Variants in ZC3H13 observed in about 807,000 individuals in gnomAD.
ZC3H13 encodes the protein zinc finger CCCH domain-containing protein 13.
In ZC3H13, 64 loss-of-function variants were observed where a neutral mutation model predicts 204.1. The observed-to-expected ratio is 0.31, with a 90% confidence interval of 0.26 to 0.39. The LOEUF (loss-of-function observed/expected upper bound fraction) is 0.39. ZC3H13 is among the 10% of genes least tolerant of loss of function. The pLI is 1.00. For missense variants in ZC3H13, 1,833 were observed against 2,082.7 expected, an observed-to-expected ratio of 0.88 and a Z score of 2.33; for synonymous variants, 667 against 693.7, an observed-to-expected ratio of 0.96 and a Z score of 0.60.
At position 45,968,039 on chromosome 13, in the gene ZC3H13, T is replaced by C. The variant is rs1283537751; in HGVS notation, c.3797-11A>G. ...TTGAATCCTGGCGATCTAAAATAAA[T>C]ATACCATATATAAAGAGTTATTAGC... On this transcript the variant is annotated splice_polypyrimidine_tract_variant and intron_variant, in intron 14 of 18. Transcript: ENST00000679008. 2.6e-6 allele frequency: 4 copies of C among 1,558,204 alleles called. No homozygotes were observed. In the Admixed American group the frequency reaches 6.1e-5, roughly 24 times the overall value.
At chr13:45,979,743 G>T in intron 11 of ZC3H13, 70 bp downstream of exon 11, 2 of 1,432,482 alleles carry the variant, frequency 1.4e-6, no homozygotes, top group Non-Finnish European at 1.9e-6. Context: ...AAGTAAATTG[G>T]TAACTGTTTG....
chr13:46,005,831 T>C (rs1472850707), intron 7 of ZC3H13, among the ~76,000 whole-genome samples: 1 of 152,098 alleles, frequency 6.6e-6, no homozygotes, highest in East Asian at 1.9e-4. Context: ...ACGTGGCTCA[T>C]ACCTGTAATC....
At position 45,968,941 on chromosome 13, in the gene ZC3H13, A is replaced by C; in HGVS notation, c.3603T>G (p.His1201Gln). 1 of 1,614,196 alleles carries C rather than the reference A, an allele frequency of 6.2e-7. No homozygotes were observed. The highest frequency in any genetic ancestry group is 2.2e-5 in the East Asian group (1 of 44,884). Residue 1201 changes from histidine to glutamine, a missense_variant, in exon 14 of 19, where the codon CAT becomes CAG. His to Gln is a conservative substitution (Grantham distance 24). Coordinates refer to ENST00000679008, the MANE Select transcript of ZC3H13 (RefSeq NM_001330564.2). ...ATGGGGAGCGAAGACGACCAGACGTATGACTACGGTTACTCCGATTGCTCC... is the reference window on the plus strand; with the variant it reads ...ATGGGGAGCGAAGACGACCAGACGTCTGACTACGGTTACTCCGATTGCTCC... ...SLGSNRSNRS[H>Q]TSGRLRSPSN...
chr13:46,049,215 C>A (rs900242986), intron 1 of ZC3H13, among the ~76,000 whole-genome samples: 1 of 151,650 alleles, frequency 6.6e-6, no homozygotes, highest in African/African-American at 2.4e-5. Flanking sequence ...ATACTTTGTC[C>A]TAAAGTAATA....
intron 1 of ZC3H13, among the ~76,000 whole-genome samples, chr13:46,051,420 T>C (rs2044408028): frequency 6.6e-6 from 1 of 152,172 alleles, no homozygotes. Flanking sequence ...GAAACTGTCA[T>C]CTGTTATAAT....
intron 12 of ZC3H13, 67 bp downstream of exon 12, chr13:45,975,216 A>G (rs1593496630): frequency 2.6e-6 from 4 of 1,542,264 alleles, no homozygotes; most frequent in Non-Finnish European, 3.5e-6. Context: ...ATTGAAAAGC[A>G]TTAAATGAAA....
chr13:45,976,682 T>C (rs1217401717), intron 11 of ZC3H13, among the ~76,000 whole-genome samples: 1 of 152,104 alleles, frequency 6.6e-6, no homozygotes, highest in East Asian at 1.9e-4. Context: ...AGAAAATTAG[T>C]CTGGGATAAA....
At chr13:46,034,323 C>T (rs2043080433) in intron 4 of ZC3H13, among the ~76,000 whole-genome samples, 2 of 152,184 alleles carry the variant, frequency 1.3e-5, no homozygotes, top group Admixed American at 6.5e-5. Flanking sequence ...CACACAAAAA[C>T]ATATATACAC....
intron 12 of ZC3H13, among the ~76,000 whole-genome samples, chr13:45,974,608 C>G (rs949227222): frequency 1.3e-5 from 2 of 152,194 alleles, no homozygotes; most frequent in African/African-American, 2.4e-5. Context: ...AGAGAAGACA[C>G]TTCCTTTTCT....
chr13:45,986,512 T>C (rs1005236776), intron 9 of ZC3H13, among the ~76,000 whole-genome samples: 4 of 152,208 alleles, frequency 2.6e-5, no homozygotes, highest in Non-Finnish European at 4.4e-5. Flanking sequence ...ACAGTGATTA[T>C]CTAAACAAAC....
At chr13:46,015,747 T>A (rs758073501) in intron 5 of ZC3H13, among the ~76,000 whole-genome samples, 2 of 152,028 alleles carry the variant, frequency 1.3e-5, no homozygotes, top group Non-Finnish European at 2.9e-5. Flanking sequence ...TAGTTAGAAT[T>A]TGTACTTGCT....
chr13:46,049,639 T>C (rs1480710476), intron 1 of ZC3H13, among the ~76,000 whole-genome samples: 1 of 152,182 alleles, frequency 6.6e-6, no homozygotes, highest in Non-Finnish European at 1.5e-5. Context: ...AACTAAATGT[T>C]ACCAACTAAT....
At chr13:46,001,483 A>C (rs891503842) in intron 8 of ZC3H13, 1 of 152,256 alleles carries the variant, frequency 6.6e-6, no homozygotes, top group Non-Finnish European at 1.5e-5. Flanking sequence ...AATAAAAAAT[A>C]AAAATAAATT....
chr13:46,028,028 C>T (rs2094246), intron 4 of ZC3H13, among the ~76,000 whole-genome samples: 113,969 of 152,000 alleles, frequency 0.75, 43,224 homozygotes, highest in African/African-American at 0.85. Context: ...AATTAAAACA[C>T]AGATATTCTC....
chr13:46,019,063 A>T (rs950045936), intron 5 of ZC3H13, among the ~76,000 whole-genome samples: 1 of 152,160 alleles, frequency 6.6e-6, no homozygotes, highest in African/African-American at 2.4e-5. Context: ...AGTAACCATA[A>T]ACAAGTTTCC....
chr13:46,013,426 C>A (rs1407512423), intron 5 of ZC3H13, among the ~76,000 whole-genome samples: 9 of 148,658 alleles, frequency 6.1e-5, no homozygotes, highest in Non-Finnish European at 9.0e-5. Context: ...AAAAAAAAAA[C>A]AAAATAAATA....
In ZC3H13 at chr13:45,985,721, T is replaced by G. The variant is rs1363909456; in HGVS notation, c.1296A>C (p.Glu432Asp). The change falls in exon 10 of 19, where the codon GAA becomes GAC. Residue 432 changes from glutamate to aspartate, a missense_variant. Physicochemically the swap from Glu to Asp is conservative, Grantham distance 45. Coordinates refer to ENST00000679008, the MANE Select transcript of ZC3H13 (RefSeq NM_001330564.2). Reference protein sequence around the residue: ...GKRDREKDSREEREYEQDQSS... With the variant: ...GKRDREKDSRDEREYEQDQSS... Reference sequence around the variant, plus strand: ...TCTGATCCTGTTCATATTCTCGTTCTTCTCTTGAGTCCTTTTCTCTGTCTC... The same window carrying G: ...TCTGATCCTGTTCATATTCTCGTTCGTCTCTTGAGTCCTTTTCTCTGTCTC... 6.2e-7 allele frequency: 1 copy of G among 1,613,222 alleles called. No individual in the cohort carries two copies. The highest frequency in any genetic ancestry group is 8.5e-7 in the Non-Finnish European group (1 of 1,179,848).
At chr13:46,036,174 T>C (rs77867655) in intron 4 of ZC3H13, among the ~76,000 whole-genome samples, 2,108 of 146,098 alleles carry the variant, frequency 0.014, 44 homozygotes, top group African/African-American at 0.049. Flanking sequence ...AAGAACAAGA[T>C]AGGGGATGTC....
At chr13:45,971,137 T>G (rs2137937655) in intron 12 of ZC3H13, among the ~76,000 whole-genome samples, 1 of 152,330 alleles carries the variant, frequency 6.6e-6, no homozygotes, top group East Asian at 1.9e-4. Context: ...TGCTGACAAA[T>G]TAATAAAATA....
Sources: gnomAD v4.1 joint callset for allele counts (sites outside exome capture counted in the v4.1 genomes callset) on GRCh38, gnomAD v4.1.1 for gene constraint, MANE v1.5 for transcripts, NCBI Gene and HGNC (gene_info 2026-07-23, HGNC 2026-07-21) for gene names.